The following CDH18 variants were observed in gnomAD, a reference collection of about 807,000 sequenced individuals.
CDH18 encodes cadherin 18.
In CDH18, 31 loss-of-function variants were observed where a neutral mutation model predicts 67.9. That is an observed-to-expected ratio of 0.46 (90% CI 0.34 to 0.62). The LOEUF (loss-of-function observed/expected upper bound fraction) is 0.62, where lower values mean the gene tolerates loss of function less well. Among genes scored for constraint, CDH18 ranks in the 20% least tolerant of loss-of-function variants. CDH18 has a pLI of 0.01. For synonymous variants in CDH18, 362 were observed against 347.2 expected, an observed-to-expected ratio of 1.04 and a Z score of -0.48; for missense variants, 890 against 975.5, an observed-to-expected ratio of 0.91 and a Z score of 1.17.
intron 2 of CDH18, among the ~76,000 whole-genome samples, chr5:20,095,230 C>A (rs535514803): frequency 1.5e-3 from 220 of 150,178 alleles, no homozygotes; most frequent in African/African-American, 5.0e-3. Flanking sequence ...GTGCAGCAAA[C>A]GACCATGACA....
intron 5 of CDH18, among the ~76,000 whole-genome samples, chr5:19,708,222 C>T (rs1041047744): frequency 6.6e-6 from 1 of 152,188 alleles, no homozygotes; most frequent in Admixed American, 6.5e-5. Context: ...CCCAGGCACA[C>T]CTGATCTTAC....
intron 1 of CDH18, among the ~76,000 whole-genome samples, chr5:20,300,253 G>C (rs78404948): frequency 6.6e-6 from 1 of 151,724 alleles, no homozygotes; most frequent in African/African-American, 2.4e-5. Context: ...ACAGGACAAC[G>C]CAACAGGATC....
At chr5:19,908,832 G>T (rs989899166) in intron 2 of CDH18, among the ~76,000 whole-genome samples, 1 of 152,036 alleles carries the variant, frequency 6.6e-6, no homozygotes, top group African/African-American at 2.4e-5. Context: ...AAATCTGCTT[G>T]GTAAACTGCA....
intron 1 of CDH18, among the ~76,000 whole-genome samples, chr5:20,265,428 C>G (rs941305169): frequency 6.6e-6 from 1 of 151,946 alleles, no homozygotes; most frequent in African/African-American, 2.4e-5. Context: ...TTGTAATTAT[C>G]TGGATGTATA....
intron 1 of CDH18, among the ~76,000 whole-genome samples, chr5:20,459,592 C>T (rs1329436241): frequency 6.6e-6 from 1 of 152,160 alleles, no homozygotes; most frequent in African/African-American, 2.4e-5. Flanking sequence ...AGTGCCCTCC[C>T]CTAGACTTCC....
chr5:20,129,228 A>AC (rs1242018635), intron 2 of CDH18, among the ~76,000 whole-genome samples: 1 of 151,902 alleles, frequency 6.6e-6, no homozygotes, highest in African/African-American at 2.4e-5. Context: ...AAAAATATAG[A>AC]CCCAATATAA....
At chr5:20,437,830 AAAGT>A (rs1201778171) in intron 1 of CDH18, among the ~76,000 whole-genome samples, 1 of 151,406 alleles carries the variant, frequency 6.6e-6, no homozygotes, top group Non-Finnish European at 1.5e-5. Flanking sequence ...CTTGAAAATA[AAAGT>A]AATATGTATT....
intron 3 of CDH18, among the ~76,000 whole-genome samples, chr5:19,831,202 G>A (rs909824888): frequency 6.6e-6 from 1 of 152,036 alleles, no homozygotes; most frequent in African/African-American, 2.4e-5. Context: ...CTTGACATAA[G>A]CCTTGGCAAA....
At chr5:19,765,880 C>CT (rs1773018171) in intron 3 of CDH18, among the ~76,000 whole-genome samples, 1 of 27,836 alleles carries the variant, frequency 3.6e-5, no homozygotes, top group Non-Finnish European at 1.1e-4. Flanking sequence ...ATTCAAAAAA[C>CT]ATTTTTTTTT....
chr5:20,186,594 G>T (rs1433831541), intron 2 of CDH18, among the ~76,000 whole-genome samples: 1 of 151,894 alleles, frequency 6.6e-6, no homozygotes, highest in Non-Finnish European at 1.5e-5. Flanking sequence ...TAATAACCAT[G>T]AAGAGATACC....
intron 2 of CDH18, among the ~76,000 whole-genome samples, chr5:20,141,141 G>A (rs911336711): frequency 6.6e-6 from 1 of 152,056 alleles, no homozygotes; most frequent in Non-Finnish European, 1.5e-5. Context: ...TTTCTATTTT[G>A]GTACTTGTAA....
At chr5:20,304,513 GAC>G in intron 1 of CDH18, 14 of 1,604,110 alleles carry the variant, frequency 8.7e-6, no homozygotes, top group African/African-American at 2.7e-5. Context: ...ATGGTGAAGA[GAC>G]TGGTTTACTC....
At chr5:20,147,661 A>G (rs1750762489) in intron 2 of CDH18, among the ~76,000 whole-genome samples, 1 of 152,112 alleles carries the variant, frequency 6.6e-6, no homozygotes. Flanking sequence ...CTTTATAAAG[A>G]TATTTTACCT....
chr5:19,811,000 A>G (rs1411095463), intron 3 of CDH18, among the ~76,000 whole-genome samples: 3 of 151,086 alleles, frequency 2.0e-5, no homozygotes, highest in Non-Finnish European at 2.9e-5. Context: ...TCCAGCCTGG[A>G]TGACAGAAAA....
At chr5:20,481,189 T>A in intron 1 of CDH18, among the ~76,000 whole-genome samples, 1 of 148,892 alleles carries the variant, frequency 6.7e-6, no homozygotes, top group African/African-American at 2.5e-5. Flanking sequence ...AGTAGCTAAT[T>A]CAGACAACTT....
intron 3 of CDH18, among the ~76,000 whole-genome samples, chr5:19,780,014 G>A (rs1207031829): frequency 6.6e-6 from 1 of 152,092 alleles, no homozygotes; most frequent in Admixed American, 6.6e-5. Flanking sequence ...TTCTTGGCAA[G>A]TATGTAGGAA....
chr5:20,405,167 C>T (rs529696160), intron 1 of CDH18, among the ~76,000 whole-genome samples: 15 of 152,238 alleles, frequency 9.9e-5, no homozygotes, highest in Non-Finnish European at 1.3e-4. Context: ...GGAGGCATCA[C>T]GCTACCCCAC....
chr5:20,258,767 A>C (rs1354694192), intron 1 of CDH18, among the ~76,000 whole-genome samples: 1 of 152,086 alleles, frequency 6.6e-6, no homozygotes, highest in African/African-American at 2.4e-5. Context: ...GTCCTAACAT[A>C]CCCTAATACT....
chr5:19,695,243 A>G (rs995908480), intron 5 of CDH18, among the ~76,000 whole-genome samples: 2 of 152,220 alleles, frequency 1.3e-5, no homozygotes, highest in Admixed American at 6.5e-5. Context: ...TTTTTTCCAC[A>G]TTGACCTTCT....
Sources: gnomAD v4.1 joint callset for allele counts (sites outside exome capture counted in the v4.1 genomes callset) on GRCh38, gnomAD v4.1.1 for gene constraint, MANE v1.5 for transcripts, NCBI Gene and HGNC (gene_info 2026-07-23, HGNC 2026-07-21) for gene names.